Variants in PIK3CB observed in about 807,000 individuals in gnomAD.
The protein encoded by PIK3CB is phosphatidylinositol 4,5-bisphosphate 3-kinase catalytic subunit beta isoform.
PIK3CB carries 39 observed loss-of-function variants against 136.8 expected under a neutral mutation model. That is an observed-to-expected ratio of 0.29 (90% CI 0.22 to 0.37). The LOEUF (loss-of-function observed/expected upper bound fraction) is 0.37. Among genes scored for constraint, PIK3CB ranks in the 10% least tolerant of loss-of-function variants. The pLI, the probability that PIK3CB is intolerant of heterozygous loss-of-function variation, is 1.00. For synonymous variants in PIK3CB, 428 were observed against 436.6 expected (o/e 0.98, Z 0.25); for missense variants, 868 against 1,275.4 (o/e 0.68, Z 4.87).
chr3:138,832,844 AAAAAAC>A (rs1476624291), intron 1 of PIK3CB, among the ~76,000 whole-genome samples: 5 of 147,960 alleles, frequency 3.4e-5, no homozygotes, highest in African/African-American at 5.0e-5. Context: ...AAAAAAAAAA[AAAAAAC>A]AAAATTGAAA....
At chr3:138,822,972 T>A (rs1022047490) in intron 1 of PIK3CB, among the ~76,000 whole-genome samples, 5 of 143,414 alleles carry the variant, frequency 3.5e-5, no homozygotes, top group Admixed American at 7.1e-5. Context: ...ATATATATAT[T>A]TGCAGTGGCG....
intron 1 of PIK3CB, chr3:138,825,977 A>G: frequency 1.9e-6 from 3 of 1,559,770 alleles, no homozygotes; most frequent in Non-Finnish European, 2.6e-6. Flanking sequence ...TCAAGTGATT[A>G]TCCTGAACCA....
intron 1 of PIK3CB, among the ~76,000 whole-genome samples, chr3:138,800,916 G>A (rs1372952413): frequency 1.3e-5 from 2 of 152,122 alleles, no homozygotes; most frequent in African/African-American, 4.8e-5. Context: ...GTGAGCCACC[G>A]TGCCCGGCCT....
At chr3:138,749,729 T>C (rs571472911) in intron 4 of PIK3CB, among the ~76,000 whole-genome samples, 40 of 152,340 alleles carry the variant, frequency 2.6e-4, no homozygotes, top group African/African-American at 7.5e-4. Context: ...CTAATCAGCA[T>C]TGATGGCTCA....
At chr3:138,765,406 A>T (rs781600260) in intron 2 of PIK3CB, among the ~76,000 whole-genome samples, 1 of 152,196 alleles carries the variant, frequency 6.6e-6, no homozygotes, top group Non-Finnish European at 1.5e-5. Flanking sequence ...TGAACCTTGC[A>T]ATCTTCAATA....
At chr3:138,659,985 CCTT>C (rs2043264468) in intron 21 of PIK3CB, among the ~76,000 whole-genome samples, 1 of 146,234 alleles carries the variant, frequency 6.8e-6, no homozygotes, top group Non-Finnish European at 1.5e-5. Flanking sequence ...ACGCCATTCT[CCTT>C]CTTTCTGGAA....
At chr3:138,805,320 G>A (rs748086677) in intron 1 of PIK3CB, among the ~76,000 whole-genome samples, 38 of 151,670 alleles carry the variant, frequency 2.5e-4, no homozygotes, top group Admixed American at 6.6e-4. Flanking sequence ...GTGACAGAGC[G>A]AGACTCCATC....
chr3:138,727,642 T>C (rs190309905), intron 8 of PIK3CB, among the ~76,000 whole-genome samples: 124 of 152,364 alleles, frequency 8.1e-4, no homozygotes, highest in African/African-American at 2.8e-3. Context: ...CCTAGATTGC[T>C]GAGCTAGTAA....
chr3:138,697,847 T>C (rs1314733170), intron 13 of PIK3CB, among the ~76,000 whole-genome samples: 1 of 152,076 alleles, frequency 6.6e-6, no homozygotes, highest in Non-Finnish European at 1.5e-5. Context: ...ATTCTCCCAT[T>C]TCAGCCACTC....
intron 11 of PIK3CB, among the ~76,000 whole-genome samples, chr3:138,706,472 T>C (rs916731442): frequency 6.6e-6 from 1 of 152,220 alleles, no homozygotes; most frequent in Admixed American, 6.5e-5. Context: ...CAAAAATCAA[T>C]TGTTCTTTGA....
Position 138,812,257 on chromosome 3 carries a change from GGACA to G in PIK3CB, c.-121-15694_-121-15691del, listed in dbSNP as rs1258379879. Among the ~76,000 whole-genome samples the G allele has an allele frequency of 3.6e-3, 549 of 151,350 alleles. 5 individuals are homozygous for G. The highest frequency in any genetic ancestry group is 0.013 in the African/African-American group (527 of 41,294). On this transcript the variant is annotated intron_variant, in intron 1 of 23. Transcript: ENST00000674063. ...ATGAGAGGTTTTTTTTTTTTTGGGG[GGACA>G]GAGTCTCGCTGTCACCCAGGCTGGA...
intron 16 of PIK3CB, among the ~76,000 whole-genome samples, chr3:138,687,053 C>G (rs1175597563): frequency 1.3e-5 from 2 of 152,160 alleles, no homozygotes; most frequent in East Asian, 3.8e-4. Context: ...TGAAAGTTTT[C>G]ATGCTCCATC....
Position 138,655,856 on chromosome 3 carries a change from C to T in PIK3CB, c.3075+286G>A, listed in dbSNP as rs964612889. Among the ~76,000 whole-genome samples the T allele has an allele frequency of 3.3e-5, 5 of 152,308 alleles. No homozygotes were observed. In the South Asian group the frequency reaches 6.2e-4, roughly 19 times the overall value. ...GGCAGACTGTGGAAAATCAAGGTGGCAACCCGCTCCTGATCTGCGGTCTTT... is the reference window on the plus strand; with the variant it reads ...GGCAGACTGTGGAAAATCAAGGTGGTAACCCGCTCCTGATCTGCGGTCTTT... On this transcript the variant is annotated intron_variant, in intron 23 of 23. Transcript: ENST00000674063.
chr3:138,659,543 C>T (rs1426635502), intron 21 of PIK3CB, among the ~76,000 whole-genome samples: 4 of 151,668 alleles, frequency 2.6e-5, no homozygotes, highest in East Asian at 1.9e-4. Flanking sequence ...GTTTGGTTAT[C>T]GAATTTTAGG....
rs778509272 is a variant in PIK3CB, at chr3:138,656,234, G to A, written c.2983C>T (p.Arg995Trp). 5.6e-6 allele frequency: 9 copies of A among 1,613,988 alleles called. No homozygotes were observed. Among genetic ancestry groups the A allele is most frequent in the African/African-American group, 1.3e-5 (1 of 74,932 alleles). ...AGAGTGATGAAGAGATTCCCATGCC[G>A]TCGTAAAATCAGATATGCATCCTCA... ...CCEDAYLILRRHGNLFITLFA... is the reference protein window; with the variant it reads ...CCEDAYLILRWHGNLFITLFA... Residue 995 changes from arginine to tryptophan, a missense_variant, in exon 23 of 24, where the codon CGG becomes TGG. Transcript: ENST00000674063.
At chr3:138,770,712 T>G (rs1315871240) in intron 2 of PIK3CB, among the ~76,000 whole-genome samples, 1 of 152,100 alleles carries the variant, frequency 6.6e-6, no homozygotes, top group Non-Finnish European at 1.5e-5. Flanking sequence ...TTACTTCTTT[T>G]GTTTTTGTTT....
intron 19 of PIK3CB, among the ~76,000 whole-genome samples, chr3:138,668,000 G>A (rs1219125804): frequency 4.6e-5 from 7 of 151,714 alleles, no homozygotes; most frequent in African/African-American, 2.4e-5. Flanking sequence ...CCCAGGAGGC[G>A]GAGGTTACAG....
intron 19 of PIK3CB, among the ~76,000 whole-genome samples, chr3:138,677,980 T>C (rs1261014110): frequency 1.3e-5 from 2 of 152,150 alleles, no homozygotes; most frequent in Admixed American, 6.5e-5. Context: ...TATATAAAGA[T>C]TCTATATAAG....
chr3:138,767,786 A>G (rs1430495695), intron 2 of PIK3CB, among the ~76,000 whole-genome samples: 2 of 152,204 alleles, frequency 1.3e-5, no homozygotes, highest in Admixed American at 6.5e-5. Flanking sequence ...CACAGCTGGC[A>G]CTGGGGGACA....
Sources: allele counts gnomAD v4.1 joint callset (sites outside exome capture counted in the v4.1 genomes callset), GRCh38; gene constraint gnomAD v4.1.1; transcripts MANE v1.5; gene names NCBI Gene and HGNC (gene_info 2026-07-23, HGNC 2026-07-21).